The following CALCOCO2 variants were observed in gnomAD, a reference collection of about 807,000 sequenced individuals.
CALCOCO2 encodes the protein calcium-binding and coiled-coil domain-containing protein 2.
A neutral mutation model predicts 62.5 loss-of-function variants in CALCOCO2; 42 were observed. That is an observed-to-expected ratio of 0.67 (90% CI 0.53 to 0.87). The LOEUF (loss-of-function observed/expected upper bound fraction) is 0.87. CALCOCO2 is among the 40% of genes least tolerant of loss of function. CALCOCO2 has a pLI of 0.00. For missense variants in CALCOCO2, 456 were observed against 515.0 expected (o/e 0.89, Z 1.11); for synonymous variants, 167 against 173.0 (o/e 0.97, Z 0.27).
chr17:48,836,585 T>C lies in CALCOCO2; in HGVS notation c.-10-5113T>C, dbSNP rs933728327. Among the ~76,000 whole-genome samples, 15 of 152,176 alleles carry C rather than the reference T, an allele frequency of 9.9e-5. No homozygotes were observed. In the East Asian group the frequency reaches 2.9e-3, roughly 29 times the overall value. On this transcript the variant is annotated intron_variant, in intron 1 of 12. Transcript: ENST00000258947. ...GTTATGTATACAATGGTGATAGTGTTGTGAAGGAAAAGAAATGGGGATAAG... is the reference window on the plus strand; with the variant it reads ...GTTATGTATACAATGGTGATAGTGTCGTGAAGGAAAAGAAATGGGGATAAG...
chr17:48,835,967 C>A (rs952422932), intron 1 of CALCOCO2, among the ~76,000 whole-genome samples: 2 of 151,960 alleles, frequency 1.3e-5, no homozygotes, highest in African/African-American at 4.8e-5. Context: ...GCTAGGCTGG[C>A]CTCGAACTCC....
At chr17:48,850,890 C>T (rs1013929025) in intron 5 of CALCOCO2, 199 bp from the exon 6 acceptor site, 122 of 355,080 alleles carry the variant, frequency 3.4e-4, no homozygotes, top group African/African-American at 2.4e-3. Flanking sequence ...TGCACTCCAG[C>T]CTGGGCAATA....
Position 48,858,045 on chromosome 17 carries a change from A to AT in CALCOCO2, c.1008+1858_1008+1859insT, listed in dbSNP as rs1567759449. Among the ~76,000 whole-genome samples the AT allele has an allele frequency of 2.2e-3, 24 of 11,124 alleles. 3 individuals carry two copies. The highest frequency in any genetic ancestry group is 0.011 in the African/African-American group (24 of 2,264). 7.3% of individuals were successfully genotyped at this position (11,124 alleles called of 152,430 possible). On this transcript the variant is annotated intron_variant, in intron 10 of 12. Transcript: ENST00000258947. ...AATAGAATAGAATAGAATAGAATAG[A>AT]AAATAGAATAGAATAGAATAGAATA...
chr17:48,845,350 T>C (rs2040035178), intron 2 of CALCOCO2, among the ~76,000 whole-genome samples: 1 of 147,116 alleles, frequency 6.8e-6, no homozygotes, highest in African/African-American at 2.5e-5. Context: ...TGTGTGTGTG[T>C]ATTGCCTAAT....
chr17:48,855,384 T>A (rs562833115), intron 9 of CALCOCO2, among the ~76,000 whole-genome samples: 1 of 152,192 alleles, frequency 6.6e-6, no homozygotes, highest in Non-Finnish European at 1.5e-5. Flanking sequence ...CAGGGTCGGC[T>A]AGACATGCAC....
At chr17:48,849,399 G>T in intron 5 of CALCOCO2, 22 bp downstream of exon 5, 2 of 1,609,466 alleles carry the variant, frequency 1.2e-6, no homozygotes, top group South Asian at 2.2e-5. Flanking sequence ...GGTTATAGGT[G>T]ACCTTGGAGC....
At chr17:48,841,072 C>T (rs1395487448) in intron 1 of CALCOCO2, among the ~76,000 whole-genome samples, 1 of 152,148 alleles carries the variant, frequency 6.6e-6, no homozygotes, top group Non-Finnish European at 1.5e-5. Context: ...GATAAGGAAA[C>T]AGGCACAGAG....
intron 1 of CALCOCO2, among the ~76,000 whole-genome samples, chr17:48,837,440 T>G (rs2039909183): frequency 6.6e-6 from 1 of 150,938 alleles, no homozygotes; most frequent in Admixed American, 6.6e-5. Flanking sequence ...AGGTCAGGAG[T>G]TCAAGACCAG....
Position 48,863,028 on chromosome 17 carries a change from T to C in CALCOCO2, c.*23T>C. ...TGAGTATCCCAACCTCTTGGATGTA[T>C]ACAGAGATTTTATAGAATAGAACCT... On this transcript the variant is annotated 3_prime_UTR_variant, in exon 13 of 13. Coordinates refer to ENST00000258947, the MANE Select transcript of CALCOCO2 (RefSeq NM_005831.5). 6.4e-7 allele frequency: 1 copy of C among 1,552,062 alleles called. No individual in the cohort carries two copies. The highest frequency in any genetic ancestry group is 8.9e-7 in the Non-Finnish European group (1 of 1,123,630).
At chr17:48,854,586 A>G (rs2040185532) in intron 9 of CALCOCO2, among the ~76,000 whole-genome samples, 2 of 148,948 alleles carry the variant, frequency 1.3e-5, no homozygotes, top group African/African-American at 4.9e-5. Context: ...TTGTATTTTT[A>G]GTAGAGACGG....
At chr17:48,840,152 C>T (rs2039957606) in intron 1 of CALCOCO2, among the ~76,000 whole-genome samples, 1 of 151,890 alleles carries the variant, frequency 6.6e-6, no homozygotes, top group South Asian at 2.1e-4. Flanking sequence ...TGTTTTGAGG[C>T]AGGGGCTTGC....
intron 5 of CALCOCO2, among the ~76,000 whole-genome samples, chr17:48,849,884 G>A (rs1055266063): frequency 1.3e-5 from 2 of 152,098 alleles, no homozygotes; most frequent in African/African-American, 4.8e-5. Flanking sequence ...TTGGCCAGGT[G>A]CAGTGGCTCA....
intron 2 of CALCOCO2, among the ~76,000 whole-genome samples, chr17:48,845,345 G>GTGTGTGTA (rs1322793388): frequency 2.8e-5 from 4 of 144,264 alleles, no homozygotes; most frequent in Admixed American, 2.0e-4. Context: ...GTGTGTGTGT[G>GTGTGTGTA]TGTGTATTGC....
chr17:48,843,475 C>A (rs2040003179), intron 2 of CALCOCO2, among the ~76,000 whole-genome samples: 1 of 152,206 alleles, frequency 6.6e-6, no homozygotes, highest in Non-Finnish European at 1.5e-5. Context: ...TGTGAAGGAG[C>A]TGTTGCTTAT....
chr17:48,851,055 T>C, intron 5 of CALCOCO2, 34 bp from the exon 6 acceptor site: 1 of 1,172,256 alleles, frequency 8.5e-7, no homozygotes. Context: ...GTCATAGAAC[T>C]AGTCTGTCCC....
chr17:48,859,925 C>A (rs537830202), intron 10 of CALCOCO2, among the ~76,000 whole-genome samples: 1 of 152,074 alleles, frequency 6.6e-6, no homozygotes, highest in Non-Finnish European at 1.5e-5. Context: ...TGAAACCCGT[C>A]TCTACTAAAA....
chr17:48,855,952 T>G, intron 9 of CALCOCO2, 140 bp from the exon 10 acceptor site: 1 of 409,036 alleles, frequency 2.4e-6, no homozygotes, highest in Non-Finnish European at 4.5e-6. Flanking sequence ...ACCCTGCCCA[T>G]AGTACCATTT....
rs2040123435 is a variant in CALCOCO2, at chr17:48,851,113, A to G, written c.568A>G (p.Ile190Val). 1.2e-6 allele frequency: 2 copies of G among 1,608,288 alleles called. No individual in the cohort carries two copies. The highest frequency in any genetic ancestry group is 1.7e-6 in the Non-Finnish European group (2 of 1,174,766). Residue 190 changes from isoleucine (I) to valine (V), a missense_variant, in exon 6 of 13, where the codon ATC becomes GTC. By Grantham distance (29) the Ile-to-Val change is conservative. Coordinates refer to ENST00000258947, the MANE Select transcript of CALCOCO2 (RefSeq NM_005831.5). ...GGAGGAGCTAGAAACCCTACAGAGC[A>G]TCAATAAGAAGTTGGAACTGAAAGT... ...KQEELETLQS[I>V]NKKLELKVKE...
intron 12 of CALCOCO2, 98 bp from the exon 13 acceptor site, chr17:48,862,740 A>G (rs1254345948): frequency 4.3e-6 from 4 of 936,842 alleles, no homozygotes; most frequent in Non-Finnish European, 6.8e-6. Context: ...TGTGCCAGTC[A>G]TTATGCTAGG....
Sources: gnomAD v4.1 joint callset for allele counts (sites outside exome capture counted in the v4.1 genomes callset) on GRCh38, gnomAD v4.1.1 for gene constraint, MANE v1.5 for transcripts, NCBI Gene and HGNC (gene_info 2026-07-23, HGNC 2026-07-21) for gene names.